The following HS3ST3A1 variants were observed in gnomAD, a reference collection of about 807,000 sequenced individuals.
The protein encoded by HS3ST3A1 is heparan sulfate-glucosamine 3-sulfotransferase 3A1.
In HS3ST3A1, 19 loss-of-function variants were observed where a neutral mutation model predicts 25.7. The observed-to-expected ratio is 0.74, with a 90% confidence interval of 0.52 to 1.08. The LOEUF is 1.08. Among genes scored for constraint, HS3ST3A1 ranks in the 50% least tolerant of loss-of-function variants. The pLI, the probability that HS3ST3A1 is intolerant of heterozygous loss-of-function variation, is 0.00. For synonymous variants in HS3ST3A1, 226 were observed against 278.6 expected (o/e 0.81, Z 1.88); for missense variants, 459 against 594.3 (o/e 0.77, Z 2.37).
Position 13,597,224 on chromosome 17 carries a change from A to G in HS3ST3A1, c.599+3307T>C, listed in dbSNP as rs145920981. 8.9e-4 allele frequency among the ~76,000 whole-genome samples: 135 copies of G among 152,254 alleles called. 1 individual carries two copies. The highest frequency in any genetic ancestry group is 3.0e-3 in the African/African-American group (126 of 41,542). ...TTTATATACATACATATGTATGTGT[A>G]TGTGTACACACATATTTAACTACTT... On this transcript the variant is annotated intron_variant, in intron 1 of 1. Transcript: ENST00000284110.
intron 1 of HS3ST3A1, among the ~76,000 whole-genome samples, chr17:13,529,374 T>A (rs997141271): frequency 6.6e-6 from 1 of 152,162 alleles, no homozygotes; most frequent in Non-Finnish European, 1.5e-5. Flanking sequence ...TAAAATAACT[T>A]CCTTAAGCCC....
chr17:13,537,978 G>A (rs1021724378), intron 1 of HS3ST3A1, among the ~76,000 whole-genome samples: 2 of 152,132 alleles, frequency 1.3e-5, no homozygotes, highest in African/African-American at 4.8e-5. Flanking sequence ...TGGATTTAAC[G>A]GACTTGTTCA....
intron 1 of HS3ST3A1, among the ~76,000 whole-genome samples, chr17:13,525,659 C>T (rs186036908): frequency 1.7e-4 from 26 of 152,256 alleles, no homozygotes. Context: ...GTCAGGAAGG[C>T]AGGACATTCA....
chr17:13,531,644 T>A (rs1448254362), intron 1 of HS3ST3A1, among the ~76,000 whole-genome samples: 1 of 148,340 alleles, frequency 6.7e-6, no homozygotes, highest in Non-Finnish European at 1.5e-5. Context: ...GTTAGAGAAC[T>A]GTTTATTATT....
chr17:13,591,830 T>C lies in HS3ST3A1; in HGVS notation c.599+8701A>G, dbSNP rs147650566. On this transcript the variant is annotated intron_variant, in intron 1 of 1. Transcript: ENST00000284110. Reference sequence around the variant, plus strand: ...GTCCACGACCACATCCGGCTAATTTTTGTATTTTTAGTAGAGATGCGATTT... The same window carrying C: ...GTCCACGACCACATCCGGCTAATTTCTGTATTTTTAGTAGAGATGCGATTT... 8.5e-5 allele frequency among the ~76,000 whole-genome samples: 13 copies of C among 152,128 alleles called. No homozygotes were observed. In the East Asian group the frequency reaches 2.5e-3, roughly 30 times the overall value.
chr17:13,526,635 T>TTTTTA (rs972264528), intron 1 of HS3ST3A1, among the ~76,000 whole-genome samples: 12 of 150,934 alleles, frequency 8.0e-5, no homozygotes, highest in Non-Finnish European at 8.9e-5. Context: ...GGTCATTTTC[T>TTTTTA]TTTTATTTTA....
rs1376528066 is a variant in HS3ST3A1 at position 13,600,698 on chromosome 17, G to C, written c.432C>G (p.Leu144=). ...AEAPPGTLAL[L]LDEGSKQLPQ... ...GCAGCTGCTTGCTGCCTTCGTCCAG[G>C]AGCAGCGCCAGGGTCCCCGGCGGGG... Residue 144 remains leucine (L), a synonymous_variant, in exon 1 of 2, where the codon CTC becomes CTG. Coordinates refer to ENST00000284110, the MANE Select transcript of HS3ST3A1 (RefSeq NM_006042.3). The C allele has an allele frequency of 1.3e-6, 2 of 1,574,330 alleles. No homozygotes were observed. The highest frequency in any genetic ancestry group is 1.8e-5 in the Admixed American group (1 of 56,708).
chr17:13,556,234 G>A (rs1411184607), intron 1 of HS3ST3A1, among the ~76,000 whole-genome samples: 5 of 152,262 alleles, frequency 3.3e-5, no homozygotes, highest in South Asian at 2.1e-4. Flanking sequence ...CCGGCCGGGC[G>A]CGGTGGCTCA....
intron 1 of HS3ST3A1, among the ~76,000 whole-genome samples, chr17:13,537,216 G>C (rs1398823216): frequency 6.6e-6 from 1 of 152,204 alleles, no homozygotes. Flanking sequence ...AAGAGAATGA[G>C]CTAACAGACA....
intron 1 of HS3ST3A1, among the ~76,000 whole-genome samples, chr17:13,516,705 A>C (rs993770199): frequency 6.6e-6 from 1 of 152,212 alleles, no homozygotes; most frequent in Non-Finnish European, 1.5e-5. Context: ...AAGATGCAGA[A>C]GTTATACTTT....
chr17:13,510,399 G>A (rs1391492839), intron 1 of HS3ST3A1, among the ~76,000 whole-genome samples: 1 of 152,194 alleles, frequency 6.6e-6, no homozygotes. Flanking sequence ...AAGGAGAGTG[G>A]GGAAGCTGAG....
intron 1 of HS3ST3A1, among the ~76,000 whole-genome samples, chr17:13,594,099 G>A (rs1486431407): frequency 3.9e-5 from 6 of 152,270 alleles, no homozygotes. Context: ...TTCGTCTAAT[G>A]TTTTCTCAGG....
At chr17:13,518,911 C>A (rs1906137193) in intron 1 of HS3ST3A1, among the ~76,000 whole-genome samples, 2 of 152,156 alleles carry the variant, frequency 1.3e-5, no homozygotes, top group Admixed American at 6.5e-5. Context: ...CTAAAACCTG[C>A]AGACTTATAA....
At chr17:13,542,132 A>T in intron 1 of HS3ST3A1, among the ~76,000 whole-genome samples, 1 of 152,128 alleles carries the variant, frequency 6.6e-6, no homozygotes, top group East Asian at 1.9e-4. Flanking sequence ...GTCTGAGACC[A>T]GTCTGGCCAG....
At chr17:13,508,258 A>T (rs1385086822) in intron 1 of HS3ST3A1, among the ~76,000 whole-genome samples, 2 of 152,226 alleles carry the variant, frequency 1.3e-5, no homozygotes, top group African/African-American at 4.8e-5. Flanking sequence ...TTATGACACA[A>T]TATGTACCAA....
intron 1 of HS3ST3A1, among the ~76,000 whole-genome samples, chr17:13,506,522 C>T (rs73982017): frequency 0.019 from 2,888 of 152,200 alleles, 88 homozygotes; most frequent in African/African-American, 0.066. Context: ...TCTGCATCAA[C>T]GGAATTGATT....
At chr17:13,574,324 G>A (rs930652713) in intron 1 of HS3ST3A1, among the ~76,000 whole-genome samples, 4 of 151,448 alleles carry the variant, frequency 2.6e-5, no homozygotes, top group South Asian at 2.1e-4. Flanking sequence ...TAGTAGAGAC[G>A]GGTTTTCACC....
At chr17:13,555,066 T>A (rs1423511963) in intron 1 of HS3ST3A1, among the ~76,000 whole-genome samples, 2 of 152,234 alleles carry the variant, frequency 1.3e-5, no homozygotes, top group African/African-American at 4.8e-5. Context: ...ACCAATGGTG[T>A]CCCACGCTAC....
At chr17:13,506,784 C>T (rs924398324) in intron 1 of HS3ST3A1, among the ~76,000 whole-genome samples, 2 of 151,760 alleles carry the variant, frequency 1.3e-5, no homozygotes, top group African/African-American at 2.4e-5. Flanking sequence ...AGGCCGGGAG[C>T]GGTGGCTCAC....
Sources: allele counts gnomAD v4.1 joint callset (sites outside exome capture counted in the v4.1 genomes callset), GRCh38; gene constraint gnomAD v4.1.1; transcripts MANE v1.5; gene names NCBI Gene and HGNC (gene_info 2026-07-23, HGNC 2026-07-21).